The following HABP2 variants were observed in gnomAD, a reference collection of about 807,000 sequenced individuals.
HABP2 encodes the protein hyaluronan binding protein 2.
Under a neutral mutation model 66.5 loss-of-function variants are expected in HABP2, and 65 were observed. The ratio of observed to expected loss-of-function variants is 0.98; its 90% CI spans 0.80 to 1.20. The LOEUF (loss-of-function observed/expected upper bound fraction) is 1.20. Ranked by LOEUF, HABP2 falls within the 50% of genes most tolerant of loss-of-function variation. The pLI is 0.00. For missense variants in HABP2, 786 were observed against 691.0 expected (o/e 1.14, Z -1.54); for synonymous variants, 263 against 253.9 (o/e 1.04, Z -0.34).
intron 12 of HABP2, among the ~76,000 whole-genome samples, chr10:113,586,484 G>T (rs1034857146): frequency 3.4e-5 from 5 of 146,544 alleles, no homozygotes; most frequent in African/African-American, 5.0e-5. Flanking sequence ...GTGGGGGGGG[G>T]GGGGGTGTTT....
intron 1 of HABP2, among the ~76,000 whole-genome samples, chr10:113,554,228 C>T (rs991273209): frequency 6.6e-6 from 1 of 152,160 alleles, no homozygotes; most frequent in Non-Finnish European, 1.5e-5. Flanking sequence ...CCATAAAAAT[C>T]AGAGAATGCT....
intron 8 of HABP2, 137 bp from the exon 9 acceptor site, chr10:113,581,739 C>G (rs548966688): frequency 3.9e-6 from 3 of 774,664 alleles, no homozygotes; most frequent in Admixed American, 2.3e-5. Context: ...GCATGCCCAC[C>G]CTGTCTGCAC....
rs1217922644 is a variant in HABP2, at chr10:113,589,552, A to ACTT, written c.*1187_*1189dup. ...GCGCCTTGTTTGAGCTGCGTTTCACACTTCTTTAGAGCTAGCTGACCTTTG... is the reference window on the plus strand; with the variant it reads ...GCGCCTTGTTTGAGCTGCGTTTCACACTTCTTCTTTAGAGCTAGCTGACCTTTG... On this transcript the variant is annotated 3_prime_UTR_variant, in exon 13 of 13. Coordinates refer to ENST00000351270, the MANE Select transcript of HABP2 (RefSeq NM_004132.5). The ACTT allele has an allele frequency of 2.0e-5, 26 of 1,300,082 alleles. No individual in the cohort carries two copies. The highest frequency in any genetic ancestry group is 2.5e-5 in the Non-Finnish European group (24 of 946,328). 80.5% of individuals were successfully genotyped at this position (1,300,082 alleles called of 1,614,324 possible).
chr10:113,588,076 C>T, intron 12 of HABP2, 129 bp from the exon 13 acceptor site: 2 of 630,758 alleles, frequency 3.2e-6, no homozygotes, highest in South Asian at 5.1e-5. Context: ...TCACTGCTTT[C>T]CAGAGAAGCC....
chr10:113,584,218 G>T lies in HABP2; in HGVS notation c.1308G>T (p.Leu436Phe). ...CCAAATACGTGAAGACTGTGTGCTT[G>T]CCTGATGGGTCCTTTCCCTCTGGGA... Reference protein sequence around the residue: ...LESKYVKTVCLPDGSFPSGSE... With the variant: ...LESKYVKTVCFPDGSFPSGSE... The change falls in exon 11 of 13, where the codon TTG becomes TTT. Residue 436 changes from leucine to phenylalanine, a missense_variant. By Grantham distance (22) the Leu-to-Phe change is conservative. Coordinates refer to ENST00000351270, the MANE Select transcript of HABP2 (RefSeq NM_004132.5). The T allele has an allele frequency of 2.5e-6, 4 of 1,613,702 alleles. No individual in the cohort carries two copies. Among genetic ancestry groups the T allele is most frequent in the Non-Finnish European group, 8.5e-7 (1 of 1,179,556 alleles).
intron 12 of HABP2, among the ~76,000 whole-genome samples, chr10:113,586,937 C>T (rs541008197): frequency 8.5e-5 from 13 of 152,278 alleles, no homozygotes; most frequent in African/African-American, 3.1e-4. Flanking sequence ...TCCCAGTGAG[C>T]CAAGGATGTT....
At chr10:113,553,214 G>A in intron 1 of HABP2, 24 bp downstream of exon 1, 2 of 1,544,600 alleles carry the variant, frequency 1.3e-6, no homozygotes, top group East Asian at 2.2e-5. Context: ...TCTAATATTT[G>A]TAGTTGAGAG....
At chr10:113,561,029 G>T (rs555508585) in intron 1 of HABP2, among the ~76,000 whole-genome samples, 12 of 152,310 alleles carry the variant, frequency 7.9e-5, no homozygotes, top group South Asian at 6.2e-4. Context: ...GTGATGTTCT[G>T]TATATGTTAC....
In HABP2 at chr10:113,575,919, T is replaced by C; in HGVS notation, c.246T>C (p.Cys82=). The C allele has an allele frequency of 1.2e-6, 2 of 1,610,114 alleles. No homozygotes were observed. Among genetic ancestry groups the C allele is most frequent in the Non-Finnish European group, 1.7e-6 (2 of 1,176,314 alleles). Residue 82 remains cysteine, a synonymous_variant, in exon 4 of 13, where the codon TGT becomes TGC. Coordinates refer to ENST00000351270, the MANE Select transcript of HABP2 (RefSeq NM_004132.5). The part of the protein sequence containing the change: ...DQADPCQPNP[C]EHGGDCLVHG... Reference sequence around the variant, plus strand: ...TAGATCCATGCCAGCCCAACCCCTGTGAACACGGTGGGGACTGCCTCGTCC... The same window carrying C: ...TAGATCCATGCCAGCCCAACCCCTGCGAACACGGTGGGGACTGCCTCGTCC...
Position 113,572,331 on chromosome 10 carries a change from C to T in HABP2, c.107-1958C>T, listed in dbSNP as rs902141820. ...CGTCACCTGGAAAAGTCACACCATA[C>T]CATCTACATCAGAATCTTCCCCATT... On this transcript the variant is annotated intron_variant, in intron 2 of 12. Transcript: ENST00000351270. 7.9e-5 allele frequency among the ~76,000 whole-genome samples: 12 copies of T among 152,240 alleles called. No individual in the cohort carries two copies. The East Asian group carries it at 2.3e-3, about 29-fold the overall frequency.
At chr10:113,551,315 C>T (rs1194798503), upstream of HABP2, among the ~76,000 whole-genome samples, 1 of 152,208 alleles carries the variant, frequency 6.6e-6, no homozygotes, top group Non-Finnish European at 1.5e-5. Context: ...ATTACAACCT[C>T]ATAAATGCTG....
At chr10:113,565,964 T>A (rs1443876312) in intron 1 of HABP2, among the ~76,000 whole-genome samples, 3 of 152,364 alleles carry the variant, frequency 2.0e-5, no homozygotes, top group Non-Finnish European at 2.9e-5. Context: ...ATATTTTACA[T>A]CCTCAGTACA....
intron 4 of HABP2, among the ~76,000 whole-genome samples, chr10:113,576,259 C>G (rs948952736): frequency 2.0e-5 from 3 of 152,162 alleles, no homozygotes; most frequent in African/African-American, 7.2e-5. Context: ...GGACTCTAAC[C>G]AAGATATATC....
At chr10:113,554,107 C>T (rs984403854) in intron 1 of HABP2, among the ~76,000 whole-genome samples, 11 of 134,174 alleles carry the variant, frequency 8.2e-5, no homozygotes, top group African/African-American at 3.1e-4. Context: ...AAATCAAGTG[C>T]TAACCTCTCA....
intron 2 of HABP2, among the ~76,000 whole-genome samples, chr10:113,568,602 T>C (rs1356799596): frequency 1.3e-5 from 2 of 152,168 alleles, no homozygotes; most frequent in African/African-American, 4.8e-5. Context: ...CAACGACACA[T>C]AGTTCAGTTC....
At chr10:113,561,574 T>C (rs1012856230) in intron 1 of HABP2, among the ~76,000 whole-genome samples, 3 of 152,066 alleles carry the variant, frequency 2.0e-5, no homozygotes, top group Non-Finnish European at 4.4e-5. Flanking sequence ...GGGTAGAACA[T>C]GCAAGGAAGA....
rs11575744 is a variant in HABP2, at chr10:113,574,534, A to G, written c.223+129A>G. 1,741 of 597,392 alleles carry G rather than the reference A, an allele frequency of 2.9e-3. 19 individuals are homozygous for G. Among genetic ancestry groups the G allele is most frequent in the African/African-American group, 0.028 (1,519 of 53,732 alleles). The allele number at this position is 597,392 out of a possible 1,614,324, so 37.0% of individuals were successfully genotyped here. The stretch of plus-strand genomic sequence containing the variant: ...TTGTGAAATAGCTATGGAAGAAATT[A>G]TTTGGACTGGCTTTTTTTTCTGTTA... On this transcript the variant is annotated intron_variant, in intron 3 of 12. Coordinates refer to ENST00000351270, the MANE Select transcript of HABP2 (RefSeq NM_004132.5).
intron 12 of HABP2, 55 bp from the exon 13 acceptor site, chr10:113,588,150 C>T (rs571106996): frequency 2.8e-6 from 4 of 1,416,100 alleles, no homozygotes; most frequent in African/African-American, 2.8e-5. Flanking sequence ...GAGGTGGGGG[C>T]ATCTCCAGAT....
At chr10:113,576,602 A>G (rs952802832) in intron 4 of HABP2, among the ~76,000 whole-genome samples, 2 of 152,186 alleles carry the variant, frequency 1.3e-5, no homozygotes, top group African/African-American at 4.8e-5. Context: ...CCCTAGAGAA[A>G]AGCTGTATTC....
Sources: allele counts gnomAD v4.1 joint callset (sites outside exome capture counted in the v4.1 genomes callset), GRCh38; gene constraint gnomAD v4.1.1; transcripts MANE v1.5; gene names NCBI Gene and HGNC (gene_info 2026-07-23, HGNC 2026-07-21).